MYO16: variants seen among roughly 807,000 people sequenced by gnomAD.
MYO16 encodes myosin XVI.
In MYO16, 94 loss-of-function variants were observed where a neutral mutation model predicts 205.3. That is an observed-to-expected ratio of 0.46 (90% CI 0.39 to 0.54). The LOEUF is 0.54. Among genes scored for constraint, MYO16 ranks in the 20% least tolerant of loss-of-function variants. MYO16 has a pLI of 0.00. For synonymous variants in MYO16, 988 were observed against 954.0 expected (o/e 1.04, Z -0.66); for missense variants, 2,315 against 2,387.5 (o/e 0.97, Z 0.63).
chr13:109,036,678 A>AT (rs1462607035), intron 23 of MYO16, among the ~76,000 whole-genome samples: 2 of 152,112 alleles, frequency 1.3e-5, no homozygotes, highest in East Asian at 3.9e-4. Context: ...ATACATGACA[A>AT]TTTCCTTAAA....
At chr13:108,798,997 G>A (rs374925255) in intron 6 of MYO16, among the ~76,000 whole-genome samples, 11 of 150,206 alleles carry the variant, frequency 7.3e-5, no homozygotes, top group African/African-American at 2.7e-4. Flanking sequence ...GAGCCACCGC[G>A]CCCGGCCCCC....
At chr13:109,011,850 C>CGTTT (rs1195475613) in intron 22 of MYO16, among the ~76,000 whole-genome samples, 2 of 152,006 alleles carry the variant, frequency 1.3e-5, no homozygotes, top group African/African-American at 4.8e-5. Context: ...TCTGAAAGGC[C>CGTTT]TAAAACAATT....
intron 1 of MYO16, among the ~76,000 whole-genome samples, chr13:108,621,977 AAC>A (rs1879560537): frequency 6.6e-6 from 1 of 152,132 alleles, no homozygotes; most frequent in African/African-American, 2.4e-5. Flanking sequence ...TAGAAAAAAA[AAC>A]AGTGTATATA....
chr13:109,063,274 A>G (rs1379985169), intron 27 of MYO16, among the ~76,000 whole-genome samples: 1 of 152,144 alleles, frequency 6.6e-6, no homozygotes, highest in Non-Finnish European at 1.5e-5. Context: ...ATAGAAAAGT[A>G]TGCTTGTCAA....
At chr13:108,857,415 A>G (rs990161072) in intron 11 of MYO16, among the ~76,000 whole-genome samples, 3 of 152,136 alleles carry the variant, frequency 2.0e-5, no homozygotes, top group Admixed American at 1.3e-4. Context: ...ACCTTCTCCA[A>G]TTTTTCAGGC....
chr13:109,181,134 G>A (rs1879433969), intron 34 of MYO16, among the ~76,000 whole-genome samples: 2 of 152,276 alleles, frequency 1.3e-5, no homozygotes, highest in Admixed American at 6.5e-5. Flanking sequence ...ATCAAAGAGA[G>A]ATGAGAAAGG....
At chr13:108,699,716 T>A (rs1011446014) in intron 2 of MYO16, among the ~76,000 whole-genome samples, 1 of 152,240 alleles carries the variant, frequency 6.6e-6, no homozygotes, top group Non-Finnish European at 1.5e-5. Context: ...CAATTGGATA[T>A]GTTAAAAGTT....
chr13:109,090,054 G>A lies in MYO16; in HGVS notation c.3336-10731G>A, dbSNP rs185206355. ...CAATGTGAAGTGTCACAATGTCTTC[G>A]TTTGAGTGGTGCATTTGTGTTCCTA... On this transcript the variant is annotated intron_variant, in intron 27 of 34. Transcript: ENST00000457511. 2.2e-4 allele frequency among the ~76,000 whole-genome samples: 33 copies of A among 152,322 alleles called. No individual in the cohort carries two copies. The East Asian group carries it at 4.6e-3, about 21-fold the overall frequency.
At chr13:108,894,762 A>G (rs1303353836) in intron 14 of MYO16, among the ~76,000 whole-genome samples, 1 of 152,182 alleles carries the variant, frequency 6.6e-6, no homozygotes, top group Non-Finnish European at 1.5e-5. Flanking sequence ...AGATGGACGG[A>G]TGGAACCCGA....
chr13:109,089,034 T>C (rs1486754120), intron 27 of MYO16, among the ~76,000 whole-genome samples: 1 of 151,990 alleles, frequency 6.6e-6, no homozygotes, highest in Non-Finnish European at 1.5e-5. Context: ...CATAAGGACA[T>C]TAAAATACTA....
chr13:108,671,914 A>G (rs1594195898), intron 2 of MYO16, among the ~76,000 whole-genome samples: 1 of 152,118 alleles, frequency 6.6e-6, no homozygotes. Context: ...TCCTAATACC[A>G]TCACATGAGG....
At chr13:108,961,725 G>A (rs1041538066) in intron 18 of MYO16, 69 bp downstream of exon 18, 10 of 1,250,664 alleles carry the variant, frequency 8.0e-6, no homozygotes, top group African/African-American at 4.4e-5. Flanking sequence ...CCAGTAGATG[G>A]CGACATAGTA....
chr13:108,874,699 T>TC (rs1566383173), intron 12 of MYO16, among the ~76,000 whole-genome samples: 1,390 of 36,980 alleles, frequency 0.038, 14 homozygotes, highest in African/African-American at 0.071. Context: ...TCATCATCAT[T>TC]ATTATTATTA....
At chr13:108,734,871 G>A (rs1445036924) in intron 4 of MYO16, among the ~76,000 whole-genome samples, 1 of 152,178 alleles carries the variant, frequency 6.6e-6, no homozygotes, top group African/African-American at 2.4e-5. Context: ...CCACTAGGTC[G>A]CATGTGGAAT....
chr13:108,572,080 C>A, the MYO16 span, among the ~76,000 whole-genome samples: 2 of 151,820 alleles, frequency 1.3e-5, no homozygotes, highest in South Asian at 4.2e-4. Flanking sequence ...CCACCATGCC[C>A]AGCTGATTAT....
chr13:109,140,590 T>G lies in MYO16; in HGVS notation c.4378T>G (p.Cys1460Gly). The G allele has an allele frequency of 6.6e-7, 1 of 1,526,220 alleles. No homozygotes were observed. Among genetic ancestry groups the G allele is most frequent in the Non-Finnish European group, 8.7e-7 (1 of 1,143,202 alleles). The allele number at this position is 1,526,220 out of a possible 1,614,324, so 94.5% of individuals were successfully genotyped here. Residue 1460 changes from cysteine to glycine, a missense_variant, in exon 32 of 35, where the codon TGC becomes GGC. Cys to Gly is a radical substitution (Grantham distance 159, BLOSUM62 -3). Coordinates refer to ENST00000457511, the MANE Select transcript of MYO16 (RefSeq NM_001198950.3). This position sits in a 1 kb window ranked among gnomAD's most constrained non-coding sequence, Gnocchi z 8.0. ...GESVYEEMKC[C>G]LPDDGGPGAG... ...GTCCGTGTACGAGGAGATGAAGTGTTGCCTGCCCGACGACGGCGGCCCGGG... is the reference window on the plus strand; with the variant it reads ...GTCCGTGTACGAGGAGATGAAGTGTGGCCTGCCCGACGACGGCGGCCCGGG...
intron 4 of MYO16, among the ~76,000 whole-genome samples, chr13:108,762,385 G>A (rs555688877): frequency 2.2e-4 from 33 of 152,272 alleles, no homozygotes; most frequent in Admixed American, 3.9e-4. Context: ...GGATCAAATC[G>A]TAGTTCTGTT....
intron 27 of MYO16, among the ~76,000 whole-genome samples, chr13:109,094,534 T>G (rs1042732508): frequency 8.5e-5 from 13 of 152,210 alleles, no homozygotes; most frequent in African/African-American, 2.9e-4. Context: ...CTTTAAATTA[T>G]TATTATTATA....
intron 27 of MYO16, among the ~76,000 whole-genome samples, chr13:109,079,574 T>G (rs1324562969): frequency 6.6e-6 from 1 of 152,020 alleles, no homozygotes; most frequent in African/African-American, 2.4e-5. Context: ...TGAGCACACA[T>G]GGACATAAAT....
Sources: gnomAD v4.1 joint callset for allele counts (sites outside exome capture counted in the v4.1 genomes callset) on GRCh38, gnomAD v4.1.1 for gene constraint, Gnocchi (gnomAD v3.1) non-coding constraint, MANE v1.5 for transcripts, NCBI Gene and HGNC (gene_info 2026-07-23, HGNC 2026-07-21) for gene names.